The following PHTF1 variants were observed in gnomAD, a reference collection of about 807,000 sequenced individuals.
The protein encoded by PHTF1 is protein PHTF1.
In PHTF1, 88 loss-of-function variants were observed where a neutral mutation model predicts 102.4. The ratio of observed to expected loss-of-function variants is 0.86; its 90% CI spans 0.72 to 1.03. The LOEUF is 1.03. Ranked by LOEUF, PHTF1 falls within the 50% of genes least tolerant of loss-of-function variation. The probability of loss-of-function intolerance (pLI) is 0.00; values close to 1 mark genes in which losing one functional copy is unlikely to be tolerated. For missense variants in PHTF1, 814 were observed against 909.5 expected (o/e 0.89, Z 1.35); for synonymous variants, 289 against 305.2 (o/e 0.95, Z 0.55).
chr1:113,745,592 T>A (rs1416655683), intron 3 of PHTF1, among the ~76,000 whole-genome samples: 1 of 152,126 alleles, frequency 6.6e-6, no homozygotes, highest in Non-Finnish European at 1.5e-5. Flanking sequence ...CAAGGGAAGC[T>A]TTATCTGTAT....
At chr1:113,722,337 G>A (rs1304969056) in intron 7 of PHTF1, among the ~76,000 whole-genome samples, 3 of 151,874 alleles carry the variant, frequency 2.0e-5, no homozygotes, top group African/African-American at 7.2e-5. Flanking sequence ...TCCTCTGGAG[G>A]CTGAGGCAGG....
At chr1:113,722,963 T>TAAATAAAA (rs1205535015) in intron 7 of PHTF1, among the ~76,000 whole-genome samples, 38 of 143,282 alleles carry the variant, frequency 2.7e-4, no homozygotes, top group East Asian at 6.0e-4. Context: ...AATAAATAAA[T>TAAATAAAA]AAAAATAAAA....
intron 3 of PHTF1, among the ~76,000 whole-genome samples, chr1:113,742,125 T>C (rs1656462115): frequency 6.6e-6 from 1 of 152,160 alleles, no homozygotes; most frequent in Non-Finnish European, 1.5e-5. Context: ...AATTCATCTT[T>C]AAGTGATTTC....
chr1:113,746,824 TA>T, intron 3 of PHTF1: 2 of 871,946 alleles, frequency 2.3e-6, no homozygotes, highest in Non-Finnish European at 2.8e-6. Flanking sequence ...ACAAGGTTAA[TA>T]AAAAATAACA....
intron 3 of PHTF1, among the ~76,000 whole-genome samples, chr1:113,747,290 G>T (rs1557969201): frequency 6.6e-6 from 1 of 152,084 alleles, no homozygotes; most frequent in Non-Finnish European, 1.5e-5. Context: ...TTTTTTGCTT[G>T]TCCTAGAACT....
At position 113,726,429 on chromosome 1, in the gene PHTF1, AT is replaced by A. The variant is rs1653839085; in HGVS notation, c.476del (p.Asn159IlefsTer11). On this transcript the variant is annotated frameshift_variant, in exon 6 of 19. Coordinates refer to ENST00000369604, the MANE Select transcript of PHTF1 (RefSeq NM_001323043.2). LOFTEE classifies it high-confidence loss of function. ...ATTTCTCATCTTACCTTCTTCTTCG[AT>A]TTCCATTGTTTCCTGATGGTCTTGT... ...QITRPSGNNG[N>X]RRRRKLRKTV... 3 of 1,606,932 alleles carry A rather than the reference AT, an allele frequency of 1.9e-6. No homozygotes were observed. The highest frequency in any genetic ancestry group is 2.5e-6 in the Non-Finnish European group (3 of 1,176,608).
intron 15 of PHTF1, among the ~76,000 whole-genome samples, chr1:113,701,383 C>G (rs1164381729): frequency 6.6e-6 from 1 of 152,132 alleles, no homozygotes. Context: ...CTCCAAATAA[C>G]AATAGCAGCA....
chr1:113,719,778 C>T (rs1308030514), intron 7 of PHTF1, among the ~76,000 whole-genome samples: 1 of 152,162 alleles, frequency 6.6e-6, no homozygotes, highest in Non-Finnish European at 1.5e-5. Flanking sequence ...AGCAACACCC[C>T]ACTCTACTGG....
In PHTF1 at chr1:113,726,545, G is replaced by C; in HGVS notation, c.361C>G (p.Pro121Ala). 3.1e-6 allele frequency: 5 copies of C among 1,598,402 alleles called. No homozygotes were observed. Among genetic ancestry groups the C allele is most frequent in the Non-Finnish European group, 4.3e-6 (5 of 1,172,906 alleles). Residue 121 changes from proline to alanine, a missense_variant, in exon 6 of 19, where the codon CCT (proline) becomes GCT (alanine). Physicochemically the swap from Pro to Ala is conservative, Grantham distance 27. Transcript: ENST00000369604. ...AGTACTTCACTTATGTTCACAATAG[G>C]CATCATCAAATATAAGACAATTGCT... ...VIAIVLYLMM[P>A]IVNISEVLGP...
chr1:113,745,751 T>C (rs1189616659), intron 3 of PHTF1, among the ~76,000 whole-genome samples: 1 of 152,210 alleles, frequency 6.6e-6, no homozygotes, highest in East Asian at 1.9e-4. Flanking sequence ...GAGAATCTAA[T>C]GCCTGATGAT....
intron 7 of PHTF1, chr1:113,713,763 T>A (rs569253663): frequency 6.8e-5 from 16 of 236,454 alleles, no homozygotes; most frequent in Non-Finnish European, 1.1e-4. Context: ...TCGTCTGTTA[T>A]TGCCACTCCA....
intron 7 of PHTF1, 29 bp from the exon 8 acceptor site, chr1:113,713,467 A>G (rs112050245): frequency 1.1e-4 from 149 of 1,312,548 alleles, no homozygotes; most frequent in Non-Finnish European, 7.2e-5. Flanking sequence ...AAAGAAGATT[A>G]ATTTTTTGAA....
intron 7 of PHTF1, among the ~76,000 whole-genome samples, chr1:113,721,860 T>A (rs956858800): frequency 2.6e-5 from 4 of 151,750 alleles, no homozygotes; most frequent in Non-Finnish European, 4.4e-5. Context: ...CGGCTAATTT[T>A]TTTTTTTGTA....
chr1:113,704,710 C>T lies in PHTF1; in HGVS notation c.1759G>A (p.Val587Met), dbSNP rs762584290. The change falls in exon 14 of 19, where the codon GTG (valine) becomes ATG (methionine). Residue 587 changes from valine to methionine, a missense_variant. Val to Met is a conservative substitution (Grantham distance 21). Coordinates refer to ENST00000369604, the MANE Select transcript of PHTF1 (RefSeq NM_001323043.2). The stretch of plus-strand genomic sequence containing the variant: ...GATAACCATATTTTAATATTCTCCA[C>T]CTTCTTAAGTCTGAAATGAGGTATT... ...YEIPHFRLKKVENIKIWLSLR... is the reference protein window; with the variant it reads ...YEIPHFRLKKMENIKIWLSLR... The T allele has an allele frequency of 6.3e-7, 1 of 1,591,008 alleles. No individual in the cohort carries two copies. The highest frequency in any genetic ancestry group is 1.1e-5 in the South Asian group (1 of 90,194).
At chr1:113,720,018 G>T (rs565091580) in intron 7 of PHTF1, among the ~76,000 whole-genome samples, 4 of 152,068 alleles carry the variant, frequency 2.6e-5, no homozygotes, top group African/African-American at 9.7e-5. Flanking sequence ...TCACTATCAC[G>T]AGACTAGCAC....
At chr1:113,728,435 A>G (rs965414528) in intron 5 of PHTF1, among the ~76,000 whole-genome samples, 9 of 152,246 alleles carry the variant, frequency 5.9e-5, no homozygotes, top group African/African-American at 2.2e-4. Context: ...CTTTTATCCA[A>G]AAGATAGGCA....
At chr1:113,720,877 C>T (rs1652819080) in intron 7 of PHTF1, among the ~76,000 whole-genome samples, 2 of 152,250 alleles carry the variant, frequency 1.3e-5, no homozygotes, top group Non-Finnish European at 2.9e-5. Context: ...TCCATACAAC[C>T]TGTGAAATCT....
At chr1:113,701,184 C>G (rs1023639501) in intron 15 of PHTF1, among the ~76,000 whole-genome samples, 1 of 152,150 alleles carries the variant, frequency 6.6e-6, no homozygotes, top group South Asian at 2.1e-4. Flanking sequence ...AAGGAAAATA[C>G]CACAAATAAA....
chr1:113,716,826 A>G (rs1052767205), intron 7 of PHTF1, among the ~76,000 whole-genome samples: 2 of 152,234 alleles, frequency 1.3e-5, no homozygotes, highest in Non-Finnish European at 2.9e-5. Flanking sequence ...GAGTTCTTCA[A>G]ATTGAAAGAA....
Sources: allele counts gnomAD v4.1 joint callset (sites outside exome capture counted in the v4.1 genomes callset), GRCh38; gene constraint gnomAD v4.1.1; transcripts MANE v1.5; gene names NCBI Gene and HGNC (gene_info 2026-07-23, HGNC 2026-07-21).